SHTN1: variants seen among roughly 807,000 people sequenced by gnomAD.
SHTN1 encodes the protein shootin-1.
In SHTN1, 42 loss-of-function variants were observed where a neutral mutation model predicts 83.1. That is an observed-to-expected ratio of 0.51 (90% CI 0.39 to 0.65). The LOEUF is 0.65. Ranked by LOEUF, SHTN1 falls within the 30% of genes least tolerant of loss-of-function variation. The pLI is 0.00. For missense variants in SHTN1, 622 were observed against 737.8 expected (o/e 0.84, Z 1.82); for synonymous variants, 224 against 247.7 (o/e 0.90, Z 0.90).
rs139518855 is a variant in SHTN1, at chr10:117,069,609, T to C, written c.-188-21099A>G. ...AAGGTCTTCAGTAAACTGTCAAGTG[T>C]TACATTACTATTATTAAGTAAATTA... On this transcript the variant is annotated intron_variant, in intron 1 of 17. Coordinates refer to the SHTN1 transcript ENST00000392901. Among the ~76,000 whole-genome samples, 223 of 152,308 alleles carry C rather than the reference T, an allele frequency of 1.5e-3. 4 individuals are homozygous for C. The East Asian group carries it at 0.039, about 27-fold the overall frequency.
chr10:117,048,076 T>C (rs1330780025), intron 2 of SHTN1, among the ~76,000 whole-genome samples: 6 of 152,138 alleles, frequency 3.9e-5, no homozygotes, highest in Admixed American at 3.3e-4. Flanking sequence ...AAAAAGGGCA[T>C]AGTCCGGTGA....
chr10:116,964,828 CAA>C, intron 3 of SHTN1, among the ~76,000 whole-genome samples: 1 of 152,126 alleles, frequency 6.6e-6, no homozygotes, highest in South Asian at 2.1e-4. Flanking sequence ...ACTAAAAATA[CAA>C]AGTTAGCTGC....
Position 116,979,309 on chromosome 10 carries a change from C to T in SHTN1, c.59-1G>A. The T allele has an allele frequency of 6.2e-7, 1 of 1,613,148 alleles. No individual in the cohort carries two copies. The highest frequency in any genetic ancestry group is 8.5e-7 in the Non-Finnish European group (1 of 1,179,542). On this transcript the variant is annotated splice_acceptor_variant, in intron 1 of 16. Coordinates refer to ENST00000355371, the MANE Select transcript of SHTN1 (RefSeq NM_001127211.3). LOFTEE classifies it high-confidence loss of function. ...CTAAGGTCTTCATATTCGCCTATTG[C>T]TAAAAGAAAAAAGGAAAGCAACATT...
In SHTN1 at chr10:116,906,700, G is replaced by A. The variant is rs756292217; in HGVS notation, c.1407C>T (p.Asp469=). ...CTAACTCAGTTTCACTGTTTTCAGGGTCAAGGGATTTTAAGCTTCTTGAAC... is the reference window on the plus strand; with the variant it reads ...CTAACTCAGTTTCACTGTTTTCAGGATCAAGGGATTTTAAGCTTCTTGAAC... ...STSSRSLKSL[D]PENSETELER... is the part of the protein sequence containing the mutation. Residue 469 remains aspartate (D), a synonymous_variant, in exon 15 of 17, where the codon GAC becomes GAT. Transcript: ENST00000355371. 6.2e-7 allele frequency: 1 copy of A among 1,613,178 alleles called. No homozygotes were observed. The highest frequency in any genetic ancestry group is 1.1e-5 in the South Asian group (1 of 90,968).
At chr10:116,903,714 T>A (rs983425689) in intron 15 of SHTN1, among the ~76,000 whole-genome samples, 4 of 152,172 alleles carry the variant, frequency 2.6e-5, no homozygotes, top group African/African-American at 9.6e-5. Context: ...AAGCGTTGAC[T>A]ACAATACTAG....
intron 14 of SHTN1, among the ~76,000 whole-genome samples, chr10:116,911,005 C>T (rs1482537891): frequency 6.6e-6 from 1 of 152,208 alleles, no homozygotes; most frequent in African/African-American, 2.4e-5. Flanking sequence ...ATTGGCACAG[C>T]AACAACAAAC....
At chr10:116,893,576 G>GCACGCACACACACACACACACACACACA (rs1554905665) in intron 16 of SHTN1, among the ~76,000 whole-genome samples, 33 of 123,594 alleles carry the variant, frequency 2.7e-4, no homozygotes, top group African/African-American at 9.5e-4. Context: ...GCACTCATGT[G>GCACGCACACACACACACACACACACACA]CACACACACA....
intron 16 of SHTN1, chr10:116,900,483 G>T: frequency 7.0e-7 from 1 of 1,427,228 alleles, no homozygotes. Flanking sequence ...CTTACTTTTG[G>T]AGAACAAAAG....
intron 1 of SHTN1, among the ~76,000 whole-genome samples, chr10:116,997,536 T>C (rs1851667602): frequency 6.6e-6 from 1 of 152,212 alleles, no homozygotes; most frequent in East Asian, 1.9e-4. Flanking sequence ...GATCAGGTAT[T>C]CTGCAGAACG....
chr10:116,975,423 C>T (rs1359825233), intron 2 of SHTN1, among the ~76,000 whole-genome samples: 5 of 151,482 alleles, frequency 3.3e-5, no homozygotes, highest in Non-Finnish European at 5.9e-5. Context: ...GTTCTTTGTC[C>T]ATTGCCCAGC....
intron 1 of SHTN1, among the ~76,000 whole-genome samples, chr10:116,991,010 C>A (rs917763422): frequency 6.6e-6 from 1 of 151,982 alleles, no homozygotes; most frequent in African/African-American, 2.4e-5. Context: ...CATGGTGAAA[C>A]CCTGTCTCTA....
rs869310024 is a variant in SHTN1, at chr10:117,065,727, TGAAAGAAAGAAAGAAAGAAAGAAA to T, written c.-188-17241_-188-17218del. ...AGCGAGAGAGAGAGAGAGAGAGAGA[TGAAAGAAAGAAAGAAAGAAAGAAA>T]GAAAGAAAGAAAGAAAGAAAGAAAG... On this transcript the variant is annotated intron_variant, in intron 1 of 17. Coordinates refer to the SHTN1 transcript ENST00000392901. Among the ~76,000 whole-genome samples, 90 of 12,004 alleles carry T rather than the reference TGAAAGAAAGAAAGAAAGAAAGAAA, an allele frequency of 7.5e-3. 6 individuals are homozygous for T. The highest frequency in any genetic ancestry group is 0.039 in the East Asian group (25 of 636). 7.9% of individuals were successfully genotyped at this position (12,004 alleles called of 152,430 possible).
chr10:117,027,224 T>C (rs185834317), intron 2 of SHTN1, among the ~76,000 whole-genome samples: 1 of 152,206 alleles, frequency 6.6e-6, no homozygotes, highest in African/African-American at 2.4e-5. Flanking sequence ...GACTGGCTCA[T>C]GGGACTGGTT....
intron 1 of SHTN1, among the ~76,000 whole-genome samples, chr10:116,998,549 T>C (rs1365903170): frequency 6.6e-6 from 1 of 152,212 alleles, no homozygotes; most frequent in Non-Finnish European, 1.5e-5. Context: ...TTATCACAGA[T>C]ACGTATGCAC....
intron 11 of SHTN1, among the ~76,000 whole-genome samples, chr10:116,924,746 A>ATTTTTTTTTT (rs201343735): frequency 1.1e-5 from 1 of 89,544 alleles, no homozygotes; most frequent in South Asian, 4.3e-4. Flanking sequence ...ATTTTCACCT[A>ATTTTTTTTTT]TTTTTTTTTT....
chr10:116,938,122 T>C (rs959792986), intron 9 of SHTN1, among the ~76,000 whole-genome samples: 2 of 151,962 alleles, frequency 1.3e-5, no homozygotes, highest in Non-Finnish European at 2.9e-5. Flanking sequence ...CTCCTTTAAC[T>C]CGGAGGAGTT....
Position 116,921,386 on chromosome 10 carries a change from C to CA in SHTN1, c.1195+47dup. ...AACTTAACAAATATGTGAATTGCCC[C>CA]AAAATGGTACACCATCAACCACTTA... On this transcript the variant is annotated intron_variant, in intron 12 of 16. Transcript: ENST00000355371. 3 of 1,392,466 alleles carry CA rather than the reference C, an allele frequency of 2.2e-6. No individual in the cohort carries two copies. The South Asian group carries it at 3.6e-5, about 17-fold the overall frequency. The allele number at this position is 1,392,466 out of a possible 1,614,324, so 86.3% of individuals were successfully genotyped here.
Position 116,923,654 on chromosome 10 carries a change from C to T in SHTN1, c.1113-2138G>A, listed in dbSNP as rs1196943816. ...CATTGCAGCTCCGATCTCCTGCACT[C>T]AACTGATCTTACTGCCTCAGCCTTT... is the stretch of plus-strand genomic sequence containing the variant. On this transcript the variant is annotated intron_variant, in intron 11 of 16. Transcript: ENST00000355371. Among the ~76,000 whole-genome samples, 22 of 152,114 alleles carry T rather than the reference C, an allele frequency of 1.4e-4. No individual in the cohort carries two copies. The East Asian group carries it at 4.3e-3, about 29-fold the overall frequency.
At chr10:117,055,491 T>C (rs1287012818) in intron 1 of SHTN1, among the ~76,000 whole-genome samples, 3 of 151,878 alleles carry the variant, frequency 2.0e-5, no homozygotes, top group Admixed American at 2.0e-4. Context: ...CCTTTTAGAG[T>C]GATGAAATTA....
Sources: gnomAD v4.1 joint callset for allele counts (sites outside exome capture counted in the v4.1 genomes callset) on GRCh38, gnomAD v4.1.1 for gene constraint, MANE v1.5 for transcripts, NCBI Gene and HGNC (gene_info 2026-07-23, HGNC 2026-07-21) for gene names.